LSAMP: variants seen among roughly 807,000 people sequenced by gnomAD.
The protein encoded by LSAMP is limbic system associated membrane protein.
Under a neutral mutation model 38.6 loss-of-function variants are expected in LSAMP, and 7 were observed. The observed-to-expected ratio is 0.18, with a 90% confidence interval of 0.10 to 0.34. The LOEUF is 0.34. Ranked by LOEUF, LSAMP falls within the 10% of genes least tolerant of loss-of-function variation. LSAMP has a pLI of 1.00. For synonymous variants in LSAMP, 154 were observed against 166.8 expected, an observed-to-expected ratio of 0.92 and a Z score of 0.59; for missense variants, 313 against 420.0, an observed-to-expected ratio of 0.75 and a Z score of 2.23.
At chr3:115,859,684 A>G (rs1220155252) in intron 3 of LSAMP, among the ~76,000 whole-genome samples, 3 of 152,234 alleles carry the variant, frequency 2.0e-5, no homozygotes, top group Non-Finnish European at 4.4e-5. Flanking sequence ...ATGAATGAGC[A>G]TGGGCCAAAT....
intron 1 of LSAMP, among the ~76,000 whole-genome samples, chr3:116,167,611 T>C (rs368972471): frequency 4.5e-4 from 69 of 152,324 alleles, no homozygotes; most frequent in Middle Eastern, 3.4e-3. Context: ...TGTCCTTCCA[T>C]CCATCTATTG....
Position 115,930,002 on chromosome 3 carries a change from G to GTT in LSAMP, c.515-77387_515-77386dup, listed in dbSNP as rs1170325465. ...ATCCAGATCTATAAATTTAGCAGAA[G>GTT]TTTTTTTTTTTTTTTTTTTTTTTTG... is the stretch of plus-strand genomic sequence containing the variant. On this transcript the variant is annotated intron_variant, in intron 3 of 6. Transcript: ENST00000490035. Among the ~76,000 whole-genome samples, 478 of 80,246 alleles carry GTT rather than the reference G, an allele frequency of 6.0e-3. 72 individuals are homozygous for GTT. The highest frequency in any genetic ancestry group is 0.022 in the African/African-American group (462 of 20,998). The allele number at this position is 80,246 out of a possible 152,430, so 52.6% of individuals were successfully genotyped here.
chr3:116,276,560 A>T (rs548154181), intron 1 of LSAMP, among the ~76,000 whole-genome samples: 2 of 152,160 alleles, frequency 1.3e-5, no homozygotes, highest in Non-Finnish European at 2.9e-5. Flanking sequence ...AAAAGGCTGC[A>T]AACAGGGTGC....
chr3:116,169,955 G>T (rs1710156398), intron 1 of LSAMP, among the ~76,000 whole-genome samples: 1 of 152,104 alleles, frequency 6.6e-6, no homozygotes, highest in Non-Finnish European at 1.5e-5. Context: ...CCAGTGATGG[G>T]CACTAACAAT....
At chr3:116,170,045 A>C (rs1419166948) in intron 1 of LSAMP, among the ~76,000 whole-genome samples, 1 of 151,444 alleles carries the variant, frequency 6.6e-6, no homozygotes, top group African/African-American at 2.5e-5. Context: ...GATAATTATT[A>C]ATCTATATAT....
At chr3:116,153,817 G>A (rs72961504) in intron 1 of LSAMP, among the ~76,000 whole-genome samples, 5,012 of 152,062 alleles carry the variant, frequency 0.033, 219 homozygotes, top group African/African-American at 0.1. Flanking sequence ...TAATAGATTT[G>A]CTAGGTAAAT....
At chr3:116,416,547 T>C (rs2049053376) in intron 1 of LSAMP, among the ~76,000 whole-genome samples, 2 of 152,172 alleles carry the variant, frequency 1.3e-5, no homozygotes. Context: ...GGAATACAGG[T>C]GACAAACTAC....
intron 3 of LSAMP, among the ~76,000 whole-genome samples, chr3:116,018,894 A>C (rs1254396618): frequency 6.6e-6 from 1 of 152,180 alleles, no homozygotes; most frequent in Non-Finnish European, 1.5e-5. Context: ...CATGCAGCTT[A>C]GTCCATGTCT....
intron 6 of LSAMP, among the ~76,000 whole-genome samples, chr3:115,813,766 G>T (rs1356891007): frequency 1.3e-5 from 2 of 152,262 alleles, no homozygotes; most frequent in East Asian, 1.9e-4. Flanking sequence ...TTTCAGGGAA[G>T]AATAATCAGC....
intron 1 of LSAMP, among the ~76,000 whole-genome samples, chr3:116,295,580 G>A (rs77664575): frequency 0.011 from 1,694 of 152,292 alleles, 27 homozygotes; most frequent in African/African-American, 0.037. Context: ...GACAGAAAGT[G>A]TTAGCATGTC....
intron 1 of LSAMP, among the ~76,000 whole-genome samples, chr3:116,193,184 C>T (rs758367186): frequency 1.3e-5 from 2 of 152,150 alleles, no homozygotes; most frequent in Non-Finnish European, 2.9e-5. Flanking sequence ...AATGAGACTG[C>T]TATGCTTGCA....
intron 2 of LSAMP, among the ~76,000 whole-genome samples, chr3:116,058,937 C>T (rs547574695): frequency 1.8e-5 from 2 of 113,302 alleles, no homozygotes; most frequent in African/African-American, 8.9e-5. Context: ...TTTGTTTGTT[C>T]GTTTTTTTTT....
At position 115,805,046 on chromosome 3, in the gene LSAMP, GT is replaced by G. The variant is rs1933600016; in HGVS notation, c.*5270del. 6.6e-6 allele frequency: 1 copy of G among 152,204 alleles called. No homozygotes were observed. Among genetic ancestry groups the G allele is most frequent in the Non-Finnish European group, 1.5e-5 (1 of 68,030 alleles). 9.4% of individuals were successfully genotyped at this position (152,204 alleles called of 1,614,324 possible). A position where few individuals can be genotyped will look rare whatever the true frequency, so the allele number is the denominator to read the frequency against. ...ACTGAGTAATATTTTGCTCATCAAG[GT>G]TTAGGTCACTTCCTTGGAGCTATTT... is the stretch of plus-strand genomic sequence containing the variant. On this transcript the variant is annotated 3_prime_UTR_variant, in exon 7 of 7. Coordinates refer to ENST00000490035, the MANE Select transcript of LSAMP (RefSeq NM_002338.5).
chr3:116,424,310 A>G (rs1473331485), intron 1 of LSAMP, among the ~76,000 whole-genome samples: 1 of 152,244 alleles, frequency 6.6e-6, no homozygotes, highest in Non-Finnish European at 1.5e-5. Context: ...TAAACATTAA[A>G]TCACACTCAA....
chr3:116,167,608 C>T (rs908763115), intron 1 of LSAMP, among the ~76,000 whole-genome samples: 3 of 152,136 alleles, frequency 2.0e-5, no homozygotes, highest in South Asian at 2.1e-4. Flanking sequence ...ATCTGTCCTT[C>T]CATCCATCTA....
chr3:116,439,870 G>A (rs933381846), intron 1 of LSAMP, among the ~76,000 whole-genome samples: 1 of 152,152 alleles, frequency 6.6e-6, no homozygotes, highest in Non-Finnish European at 1.5e-5. Context: ...CTACAGGTGG[G>A]CGCCACCACG....
chr3:116,142,104 T>G (rs1709383254), intron 1 of LSAMP, among the ~76,000 whole-genome samples: 2 of 151,994 alleles, frequency 1.3e-5, no homozygotes, highest in Non-Finnish European at 1.5e-5. Flanking sequence ...AATTAATTCT[T>G]CAGGATTTAA....
At chr3:116,160,118 G>A (rs12330535) in intron 1 of LSAMP, among the ~76,000 whole-genome samples, 19,892 of 152,136 alleles carry the variant, frequency 0.13, 1,351 homozygotes, top group Non-Finnish European at 0.14. Flanking sequence ...AAAAACTACC[G>A]GCTGGGCACG....
chr3:115,834,990 T>C (rs563906104), intron 6 of LSAMP, among the ~76,000 whole-genome samples: 3 of 152,232 alleles, frequency 2.0e-5, no homozygotes, highest in Middle Eastern at 3.4e-3. Flanking sequence ...TAGCTCATGA[T>C]AGATGAACGT....
Sources: allele counts gnomAD v4.1 joint callset (sites outside exome capture counted in the v4.1 genomes callset), GRCh38; gene constraint gnomAD v4.1.1; transcripts MANE v1.5; gene names NCBI Gene and HGNC (gene_info 2026-07-23, HGNC 2026-07-21).